MYO1D: variants seen among roughly 807,000 people sequenced by gnomAD.
MYO1D encodes the protein myosin ID, also known as unconventional myosin-Id.
MYO1D carries 83 observed loss-of-function variants against 122.0 expected under a neutral mutation model. That is an observed-to-expected ratio of 0.68 (90% CI 0.57 to 0.82). The LOEUF is 0.82. MYO1D is among the 40% of genes least tolerant of loss of function. The probability of loss-of-function intolerance (pLI) is 0.00; values close to 1 mark genes in which losing one functional copy is unlikely to be tolerated. For synonymous variants in MYO1D, 464 were observed against 446.9 expected, an observed-to-expected ratio of 1.04 and a Z score of -0.48; for missense variants, 1,157 against 1,269.5, an observed-to-expected ratio of 0.91 and a Z score of 1.35.
chr17:32,866,836 C>T (rs1241679570), intron 1 of MYO1D, among the ~76,000 whole-genome samples: 4 of 152,184 alleles, frequency 2.6e-5, no homozygotes, highest in Non-Finnish European at 4.4e-5. Flanking sequence ...GGCCACAGGG[C>T]AGGGGGAGGA....
intron 21 of MYO1D, among the ~76,000 whole-genome samples, chr17:32,537,603 C>G (rs984945519): frequency 6.6e-6 from 1 of 152,066 alleles, no homozygotes; most frequent in African/African-American, 2.4e-5. Context: ...TATAATTAGC[C>G]TAAGACTTGA....
chr17:32,715,201 T>C (rs567808206), intron 15 of MYO1D, among the ~76,000 whole-genome samples: 1 of 152,202 alleles, frequency 6.6e-6, no homozygotes, highest in African/African-American at 2.4e-5. Flanking sequence ...GGAACACTTT[T>C]ATACTATTGG....
chr17:32,801,880 G>A (rs2090464236), intron 1 of MYO1D, among the ~76,000 whole-genome samples: 1 of 151,092 alleles, frequency 6.6e-6, no homozygotes, highest in Non-Finnish European at 1.5e-5. Context: ...CTATCTTTAT[G>A]AGCAGAAAAT....
At chr17:32,503,138 C>A (rs1310957392) in intron 21 of MYO1D, among the ~76,000 whole-genome samples, 1 of 152,222 alleles carries the variant, frequency 6.6e-6, no homozygotes, top group African/African-American at 2.4e-5. Flanking sequence ...ATGGAATGAA[C>A]AAACATGTTC....
At position 32,782,840 on chromosome 17, in the gene MYO1D, C is replaced by T. The variant is rs191383409; in HGVS notation, c.96-2056G>A. Among the ~76,000 whole-genome samples the T allele has an allele frequency of 5.7e-3, 862 of 151,796 alleles. 8 individuals carry two copies. Among genetic ancestry groups the T allele is most frequent in the African/African-American group, 0.019 (780 of 41,322 alleles). ...ATCCTAGCTACTTGGGAGGCTGAGG[C>T]GGGAGGATCGGTTGAACCTGGGAGG... On this transcript the variant is annotated intron_variant, in intron 1 of 21. Transcript: ENST00000318217.
At chr17:32,560,528 C>CATATATATATATATATATATATAT (rs56214129) in intron 21 of MYO1D, among the ~76,000 whole-genome samples, 1 of 65,434 alleles carries the variant, frequency 1.5e-5, no homozygotes, top group Non-Finnish European at 3.2e-5. Context: ...CCAGAGACAA[C>CATATATATATATATATATATATAT]ATATATATAT....
chr17:32,707,157 T>C (rs181373398), intron 16 of MYO1D, among the ~76,000 whole-genome samples: 29 of 152,222 alleles, frequency 1.9e-4, no homozygotes, highest in African/African-American at 7.0e-4. Context: ...TATTAATGCA[T>C]ATTATATACA....
At chr17:32,867,394 C>T (rs1320479212) in intron 1 of MYO1D, among the ~76,000 whole-genome samples, 1 of 151,830 alleles carries the variant, frequency 6.6e-6, no homozygotes, top group Non-Finnish European at 1.5e-5. Flanking sequence ...TATATTGATC[C>T]ATTTATTAAG....
At chr17:32,874,759 T>C (rs1011659558) in intron 1 of MYO1D, among the ~76,000 whole-genome samples, 8 of 151,980 alleles carry the variant, frequency 5.3e-5, no homozygotes, top group African/African-American at 1.9e-4. Flanking sequence ...TAAGGGCCCA[T>C]CTCTAAAAAA....
intron 1 of MYO1D, among the ~76,000 whole-genome samples, chr17:32,865,361 A>G (rs2091114847): frequency 1.3e-5 from 2 of 151,218 alleles, no homozygotes; most frequent in African/African-American, 4.9e-5. Flanking sequence ...TCATTGTTTT[A>G]GATTAAGCCA....
chr17:32,838,533 A>G (rs2090848820), intron 1 of MYO1D, among the ~76,000 whole-genome samples: 1 of 152,172 alleles, frequency 6.6e-6, no homozygotes, highest in Non-Finnish European at 1.5e-5. Context: ...TAGTGAGAAG[A>G]TGGAGACAAG....
chr17:32,705,797 G>T (rs1204914956), intron 16 of MYO1D, among the ~76,000 whole-genome samples: 1 of 152,134 alleles, frequency 6.6e-6, no homozygotes, highest in Non-Finnish European at 1.5e-5. Context: ...CAAGTGGGAG[G>T]TAATTGAGTC....
chr17:32,846,675 T>G (rs2090940224), intron 1 of MYO1D, among the ~76,000 whole-genome samples: 1 of 152,202 alleles, frequency 6.6e-6, no homozygotes, highest in African/African-American at 2.4e-5. Flanking sequence ...TTTATAAAAA[T>G]TTAAACAATC....
chr17:32,602,313 G>A lies in MYO1D; in HGVS notation c.2864+2774C>T, dbSNP rs1031847283. On this transcript the variant is annotated intron_variant, in intron 21 of 21. Transcript: ENST00000318217. ...ACTGTATTTTCCTATTTGCATGCCCGTAATCTTTGACTGGATGTCAGACAT... is the reference window on the plus strand; with the variant it reads ...ACTGTATTTTCCTATTTGCATGCCCATAATCTTTGACTGGATGTCAGACAT... Among the ~76,000 whole-genome samples the A allele has an allele frequency of 3.3e-5, 5 of 152,142 alleles. 1 individual carries two copies. In the East Asian group the frequency reaches 9.6e-4, roughly 29 times the overall value.
chr17:32,866,860 A>T (rs1414947225), intron 1 of MYO1D, among the ~76,000 whole-genome samples: 1 of 152,176 alleles, frequency 6.6e-6, no homozygotes, highest in Non-Finnish European at 1.5e-5. Context: ...ACTGTTTCCA[A>T]ATGAAAGACT....
intron 14 of MYO1D, among the ~76,000 whole-genome samples, chr17:32,737,536 C>G (rs903103633): frequency 2.0e-5 from 3 of 151,990 alleles, no homozygotes; most frequent in African/African-American, 7.2e-5. Context: ...AATTTTGTAA[C>G]TTTTTGTAGA....
At chr17:32,537,974 G>A (rs985487646) in intron 21 of MYO1D, among the ~76,000 whole-genome samples, 7 of 152,106 alleles carry the variant, frequency 4.6e-5, no homozygotes, top group African/African-American at 1.4e-4. Flanking sequence ...GAAGTTGATG[G>A]AGCATGAAAA....
chr17:32,687,987 T>C (rs1287314313), intron 16 of MYO1D, among the ~76,000 whole-genome samples: 1 of 152,152 alleles, frequency 6.6e-6, no homozygotes, highest in African/African-American at 2.4e-5. Flanking sequence ...ATAAATGATC[T>C]AAGATTTAAA....
At chr17:32,503,656 A>C (rs1798430560) in intron 21 of MYO1D, among the ~76,000 whole-genome samples, 3 of 152,190 alleles carry the variant, frequency 2.0e-5, no homozygotes, top group African/African-American at 7.2e-5. Context: ...GTGCTTTTCA[A>C]AGTGATAGTA....
Sources: allele counts gnomAD v4.1 joint callset (sites outside exome capture counted in the v4.1 genomes callset), GRCh38; gene constraint gnomAD v4.1.1; transcripts MANE v1.5; gene names NCBI Gene and HGNC (gene_info 2026-07-23, HGNC 2026-07-21).